Variants in HEMK2 observed in about 807,000 individuals in gnomAD.
HEMK2 encodes the protein HemK methyltransferase 2, ETF1 glutamine and histone H4 lysine.
the HEMK2 span, among the ~76,000 whole-genome samples, chr21:28,752,059 A>G: frequency 7.2e-5 from 11 of 152,352 alleles, no homozygotes; most frequent in Non-Finnish European, 1.3e-4. Flanking sequence ...CTGTCTAAAA[A>G]CAATTGGATT....
the HEMK2 span, among the ~76,000 whole-genome samples, chr21:28,742,206 T>C: frequency 6.6e-6 from 1 of 152,246 alleles, no homozygotes; most frequent in Non-Finnish European, 1.5e-5. Flanking sequence ...CAATATTTAC[T>C]ATCTGGATGG....
At chr21:28,724,278 C>T in the HEMK2 span, among the ~76,000 whole-genome samples, 13 of 152,256 alleles carry the variant, frequency 8.5e-5, no homozygotes, top group African/African-American at 2.4e-4. Flanking sequence ...TGGCAGAAAC[C>T]TCTGTTTTAA....
chr21:28,874,077 A>C, the HEMK2 span: 3 of 152,248 alleles, frequency 2.0e-5, no homozygotes, highest in Non-Finnish European at 2.9e-5. Context: ...AGGCACTGCT[A>C]TATAGCTGGT....
At chr21:28,825,723 T>G in the HEMK2 span, among the ~76,000 whole-genome samples, 2 of 152,164 alleles carry the variant, frequency 1.3e-5, no homozygotes, top group African/African-American at 2.4e-5. Flanking sequence ...GTTCCTGAAT[T>G]AGGAATTTTA....
chr21:28,597,705 C>A, the HEMK2 span, among the ~76,000 whole-genome samples: 1 of 152,078 alleles, frequency 6.6e-6, no homozygotes, highest in Non-Finnish European at 1.5e-5. Flanking sequence ...AAGAGAAGTA[C>A]TTTTAGGATG....
At chr21:28,640,979 C>T in the HEMK2 span, among the ~76,000 whole-genome samples, 3 of 152,166 alleles carry the variant, frequency 2.0e-5, no homozygotes, top group Admixed American at 1.3e-4. Context: ...TCTACCCTAC[C>T]GCGCATATTG....
chr21:28,684,571 A>G, the HEMK2 span, among the ~76,000 whole-genome samples: 1 of 152,240 alleles, frequency 6.6e-6, no homozygotes, highest in African/African-American at 2.4e-5. Context: ...TGTGACTTTC[A>G]TCATTTTAGA....
the HEMK2 span, among the ~76,000 whole-genome samples, chr21:28,604,276 G>T: frequency 4.7e-4 from 72 of 152,240 alleles, no homozygotes; most frequent in Admixed American, 1.6e-3. Flanking sequence ...GTGAGGGGCT[G>T]GGGGAGGGAT....
the HEMK2 span, among the ~76,000 whole-genome samples, chr21:28,871,833 A>G: frequency 6.6e-6 from 1 of 152,162 alleles, no homozygotes; most frequent in African/African-American, 2.4e-5. Context: ...AACCCCTGGC[A>G]TTCCTTTACT....
At chr21:28,806,264 G>C in the HEMK2 span, among the ~76,000 whole-genome samples, 1 of 152,166 alleles carries the variant, frequency 6.6e-6, no homozygotes, top group South Asian at 2.1e-4. Context: ...TGGGCTTTTA[G>C]TTATTCAGAA....
At chr21:28,852,281 G>A in the HEMK2 span, among the ~76,000 whole-genome samples, 15 of 152,220 alleles carry the variant, frequency 9.9e-5, no homozygotes, top group Non-Finnish European at 1.5e-4. Flanking sequence ...CAATGTGTGG[G>A]TTCTGCCAGC....
chr21:28,587,002 G>T, the HEMK2 span, among the ~76,000 whole-genome samples: 7 of 152,100 alleles, frequency 4.6e-5, no homozygotes, highest in African/African-American at 1.7e-4. Context: ...AGCAGCATCT[G>T]TATATTTTGT....
chr21:28,577,905 T>A, the HEMK2 span, among the ~76,000 whole-genome samples: 1 of 152,148 alleles, frequency 6.6e-6, no homozygotes, highest in Non-Finnish European at 1.5e-5. Context: ...GACACCACAT[T>A]TATATCGATT....
the HEMK2 span, among the ~76,000 whole-genome samples, chr21:28,668,078 C>T: frequency 1.5e-4 from 23 of 152,212 alleles, no homozygotes; most frequent in African/African-American, 3.6e-4. Context: ...GGTCAAATCT[C>T]GTTATAAGCC....
the HEMK2 span, among the ~76,000 whole-genome samples, chr21:28,804,311 C>T: frequency 6.6e-6 from 1 of 152,142 alleles, no homozygotes; most frequent in Non-Finnish European, 1.5e-5. Context: ...TCTACCATTG[C>T]TCCATTACTT....
chr21:28,701,265 A>G, the HEMK2 span, among the ~76,000 whole-genome samples: 1 of 151,978 alleles, frequency 6.6e-6, no homozygotes, highest in Non-Finnish European at 1.5e-5. Flanking sequence ...CTCCACTCCT[A>G]TTCAACATAA....
chr21:28,596,804 G>A, the HEMK2 span, among the ~76,000 whole-genome samples: 5 of 151,860 alleles, frequency 3.3e-5, no homozygotes, highest in Admixed American at 6.6e-5. Context: ...TATATTACTG[G>A]GAATTTTAAA....
At chr21:28,785,901 A>G in the HEMK2 span, among the ~76,000 whole-genome samples, 11 of 152,366 alleles carry the variant, frequency 7.2e-5, no homozygotes, top group Middle Eastern at 3.4e-3. Flanking sequence ...AAATTTTATC[A>G]GTCAACTCAT....
the HEMK2 span, among the ~76,000 whole-genome samples, chr21:28,627,496 A>C: frequency 7.2e-5 from 11 of 152,148 alleles, no homozygotes; most frequent in Non-Finnish European, 1.5e-4. Flanking sequence ...TATCCTGATG[A>C]GTAAGATGAA....
Sources: allele counts gnomAD v4.1 joint callset (sites outside exome capture counted in the v4.1 genomes callset), GRCh38; gene constraint gnomAD v4.1.1; transcripts MANE v1.5; gene names NCBI Gene and HGNC (gene_info 2026-07-23, HGNC 2026-07-21).